The following NKAP variants were observed in gnomAD, a reference collection of about 807,000 sequenced individuals.
NKAP encodes the protein NFKB activating protein, also known as NF-kappa-B-activating protein.
In NKAP, 4 loss-of-function variants were observed where a neutral mutation model predicts 35.6. That is an observed-to-expected ratio of 0.11 (90% CI 0.06 to 0.26). The LOEUF is 0.26. Among genes scored for constraint, NKAP ranks in the 10% least tolerant of loss-of-function variants. The probability of loss-of-function intolerance (pLI) is 1.00; values close to 1 mark genes in which losing one functional copy is unlikely to be tolerated. For synonymous variants in NKAP, 106 were observed against 119.2 expected (o/e 0.89, Z 0.72); for missense variants, 238 against 321.9 (o/e 0.74, Z 1.99).
intron 6 of NKAP, 31 bp from the exon 7 acceptor site, chrX:119,932,042 C>T (rs752212431): frequency 8.4e-7 from 1 of 1,184,571 alleles, no homozygotes; most frequent in South Asian, 1.8e-5. Flanking sequence ...AACACATTCA[C>T]ATTCTGACTA....
intron 5 of NKAP, 25 bp downstream of exon 5, chrX:119,934,464 ATTTTC>A: frequency 2.1e-6 from 2 of 937,366 alleles, no homozygotes; most frequent in Non-Finnish European, 2.9e-6. Context: ...AAGAAAAGAA[ATTTTC>A]CATAATAAAA....
At chrX:119,930,962 G>A (rs1303907157) in intron 7 of NKAP, among the ~76,000 whole-genome samples, 2 of 110,962 alleles carry the variant, frequency 1.8e-5, no homozygotes, top group South Asian at 3.7e-4. Context: ...CCAACATGGC[G>A]AAACCCCAGC....
intron 7 of NKAP, among the ~76,000 whole-genome samples, chrX:119,930,424 G>A (rs1263434669): frequency 8.9e-6 from 1 of 112,438 alleles, no homozygotes; most frequent in Non-Finnish European, 1.9e-5. Context: ...ACTGCTGTGA[G>A]TATAGATTCA....
At chrX:119,943,160 T>C (rs911138331) in intron 1 of NKAP, 60 bp downstream of exon 1, 5 of 1,125,112 alleles carry the variant, frequency 4.4e-6, no homozygotes, top group African/African-American at 3.7e-5. Context: ...GAATGAATGA[T>C]AGATCGGACT....
chrX:119,926,829 G>A (rs1603379529), intron 8 of NKAP, among the ~76,000 whole-genome samples: 1 of 106,701 alleles, frequency 9.4e-6, no homozygotes, highest in East Asian at 3.1e-4. Context: ...TGGAGGCTGA[G>A]GCAGGCAGGT....
At chrX:119,933,523 A>G (rs1023430690) in intron 5 of NKAP, among the ~76,000 whole-genome samples, 4 of 111,961 alleles carry the variant, frequency 3.6e-5, no homozygotes, top group African/African-American at 1.3e-4. Context: ...GGAAATACAG[A>G]GGACAGAACA....
rs773044132 is a variant in NKAP at position 119,936,334 on chromosome X, A to G, written c.636T>C (p.Asp212=). 2.9e-5 allele frequency: 35 copies of G among 1,200,676 alleles called. No individual in the cohort carries two copies. Among genetic ancestry groups the G allele is most frequent in the Non-Finnish European group, 3.6e-5 (32 of 891,100 alleles). ...SKRKHKKYSE[D]SDSDSDSETD... is the part of the protein sequence containing the mutation. ...TTTCAGAATCAGAGTCACTGTCGCT[A>G]TCTTCAGAATACTTCTTATGTTTTC... Residue 212 remains aspartate (D), a synonymous_variant, in exon 4 of 9, where the codon GAT becomes GAC. Transcript: ENST00000371410.
intron 4 of NKAP, among the ~76,000 whole-genome samples, chrX:119,935,668 G>A (rs188388945): frequency 1.2e-3 from 133 of 111,344 alleles, no homozygotes; most frequent in African/African-American, 4.0e-3. Context: ...AGGAAACTTC[G>A]GCGATATCAG....
chrX:119,931,938 C>A lies in NKAP; in HGVS notation c.921G>T (p.Leu307Phe). The change falls in exon 7 of 9, where the codon TTG becomes TTT. Residue 307 changes from leucine to phenylalanine, a missense_variant and splice_region_variant. This residue lies in a region of NKAP where 8 missense variants were observed against 69.7 expected (regional missense o/e 0.11). Coordinates refer to ENST00000371410, the MANE Select transcript of NKAP (RefSeq NM_024528.4). ...KTLTSQDDKPLNYGHALLPGE... is the reference protein window; with the variant it reads ...KTLTSQDDKPFNYGHALLPGE... ...ATTATAAACACACTGCTGCTTACTT[C>A]AAAGGTTTATCATCTTGAGAGGTAA... 8.4e-7 allele frequency: 1 copy of A among 1,184,732 alleles called. No individual in the cohort carries two copies. The highest frequency in any genetic ancestry group is 1.1e-6 in the Non-Finnish European group (1 of 877,839).
chrX:119,927,061 C>CAAAAAAAAAAA (rs757523569), intron 8 of NKAP, among the ~76,000 whole-genome samples: 1 of 33,291 alleles, frequency 3.0e-5, no homozygotes, highest in Non-Finnish European at 5.2e-5. Flanking sequence ...AACTAGGTCT[C>CAAAAAAAAAAA]AAAAAAAAAA....
rs775558711 is a variant in NKAP at position 119,922,296 on chromosome X, T to C, written c.*2924A>G. The stretch of plus-strand genomic sequence containing the variant: ...GGCAGCAACTACAATTAGGTATAAA[T>C]AAACAGAAATCATTTCAAATTCAGG... On this transcript the variant is annotated 3_prime_UTR_variant, in exon 9 of 9. Transcript: ENST00000371410. The C allele has an allele frequency of 2.7e-5, 3 of 112,367 alleles. No homozygotes were observed. The highest frequency in any genetic ancestry group is 2.8e-4 in the East Asian group (1 of 3,605). The allele number at this position is 112,367 out of a possible 1,213,427, so 9.3% of individuals were successfully genotyped here. A position where few individuals can be genotyped will look rare whatever the true frequency, so the allele number is the denominator to read the frequency against.
intron 7 of NKAP, among the ~76,000 whole-genome samples, chrX:119,930,904 G>A (rs894813045): frequency 2.7e-5 from 3 of 111,500 alleles, no homozygotes; most frequent in African/African-American, 9.8e-5. Context: ...ATTTTTGGAG[G>A]TTGAGGCGGG....
chrX:119,929,144 C>T (rs1260328306), intron 8 of NKAP, among the ~76,000 whole-genome samples: 2 of 109,013 alleles, frequency 1.8e-5, no homozygotes, highest in Non-Finnish European at 3.8e-5. Context: ...GATCTGCCTG[C>T]CTTGGCCTCC....
rs1201423713 is a variant in NKAP, at chrX:119,932,114, A to G, written c.840T>C (p.Asp280=). ...TCTATCAGAAGAACCTACTTGTTCG[A>G]TCCTTCCAGGGATTTTCCAGAAACT... ...QEEFLENPWK[D]RTKAEEPSDL... is the part of the protein sequence containing the mutation. Residue 280 remains aspartate (D), a synonymous_variant, in exon 6 of 9, where the codon GAT becomes GAC. Coordinates refer to ENST00000371410, the MANE Select transcript of NKAP (RefSeq NM_024528.4). The G allele has an allele frequency of 6.6e-6, 8 of 1,206,139 alleles. No individual in the cohort carries two copies. The highest frequency in any genetic ancestry group is 9.0e-6 in the Non-Finnish European group (8 of 891,174).
In NKAP at chrX:119,925,054, G is replaced by A. The variant is rs2071832453; in HGVS notation, c.*166C>T. The A allele has an allele frequency of 3.8e-6, 2 of 525,307 alleles. No individual in the cohort carries two copies. The highest frequency in any genetic ancestry group is 6.0e-6 in the Non-Finnish European group (2 of 331,198). The allele number at this position is 525,307 out of a possible 1,213,427, so 43.3% of individuals were successfully genotyped here. A position where few individuals can be genotyped will look rare whatever the true frequency, so the allele number is the denominator to read the frequency against. ...AAAATAACCCAAAGAACTTGCTAAA[G>A]TTATATCAATAAGCAGCTTTTTATT... On this transcript the variant is annotated 3_prime_UTR_variant, in exon 9 of 9. Transcript: ENST00000371410.
At chrX:119,934,283 A>G (rs1214416333) in intron 5 of NKAP, among the ~76,000 whole-genome samples, 1 of 107,103 alleles carries the variant, frequency 9.3e-6, no homozygotes, top group African/African-American at 3.4e-5. Flanking sequence ...AAACACAAAA[A>G]TTAGCCAGGC....
At chrX:119,931,866 C>T in intron 7 of NKAP, 70 bp downstream of exon 7, 1 of 815,121 alleles carries the variant, frequency 1.2e-6, no homozygotes, top group Non-Finnish European at 1.8e-6. Context: ...GTCAGATAAG[C>T]TTGGCAAGGT....
At chrX:119,943,067 G>T (rs1448991294) in intron 1 of NKAP, 153 bp downstream of exon 1, 2 of 698,824 alleles carry the variant, frequency 2.9e-6, no homozygotes, top group Non-Finnish European at 4.2e-6. Flanking sequence ...GACGAATAAA[G>T]GGTTGTCGTG....
At chrX:119,925,581 A>G (rs1422868747) in intron 8 of NKAP, among the ~76,000 whole-genome samples, 187 bp from the exon 9 acceptor site, 3 of 110,295 alleles carry the variant, frequency 2.7e-5, no homozygotes, top group Non-Finnish European at 5.7e-5. Context: ...TTTTGTTTTG[A>G]GATGGAGTCT....
Sources: allele counts gnomAD v4.1 joint callset (sites outside exome capture counted in the v4.1 genomes callset), GRCh38; gene constraint gnomAD v4.1.1; regional missense constraint gnomAD v4.1.1; transcripts MANE v1.5; gene names NCBI Gene and HGNC (gene_info 2026-07-23, HGNC 2026-07-21).